The following MAP3K13 variants were observed in gnomAD, a reference collection of about 807,000 sequenced individuals.
The protein encoded by MAP3K13 is leucine zipper-bearing kinase.
In MAP3K13, 52 loss-of-function variants were observed where a neutral mutation model predicts 104.0. The ratio of observed to expected loss-of-function variants is 0.50; its 90% CI spans 0.40 to 0.63. MAP3K13 has a LOEUF of 0.63. Among genes scored for constraint, MAP3K13 ranks in the 20% least tolerant of loss-of-function variants. MAP3K13 has a pLI of 0.00. For synonymous variants in MAP3K13, 394 were observed against 442.2 expected (o/e 0.89, Z 1.37); for missense variants, 914 against 1,218.5 (o/e 0.75, Z 3.72).
intron 1 of MAP3K13, among the ~76,000 whole-genome samples, chr3:185,401,620 G>C (rs1712821922): frequency 6.6e-6 from 1 of 152,188 alleles, no homozygotes; most frequent in African/African-American, 2.4e-5. Context: ...CTATTAAATT[G>C]CTTCCCTCTT....
In MAP3K13 at chr3:185,463,474, C is replaced by A. The variant is rs990195765; in HGVS notation, c.1279-76C>A. 36 of 805,916 alleles carry A rather than the reference C, an allele frequency of 4.5e-5. No homozygotes were observed. In the Middle Eastern group the frequency reaches 7.0e-4, roughly 16 times the overall value. 49.9% of individuals were successfully genotyped at this position (805,916 alleles called of 1,614,324 possible). A position where few individuals can be genotyped will look rare whatever the true frequency, so the allele number is the denominator to read the frequency against. On this transcript the variant is annotated intron_variant, in intron 7 of 13. Coordinates refer to ENST00000265026, the MANE Select transcript of MAP3K13 (RefSeq NM_004721.5). Reference sequence around the variant, plus strand: ...GTAGAAGCATGCAGGGAAAAAAAATCTTGTACGTGACTTTATGGATATATC... The same window carrying A: ...GTAGAAGCATGCAGGGAAAAAAAATATTGTACGTGACTTTATGGATATATC...
intron 2 of MAP3K13, chr3:185,285,646 A>G (rs1720481661): frequency 6.5e-7 from 1 of 1,534,492 alleles, no homozygotes; most frequent in Non-Finnish European, 8.7e-7. Context: ...TGGGAGAGGT[A>G]AGTAGTTGAC....
At position 185,483,718 on chromosome 3, in the gene MAP3K13, T is replaced by TTTTTTTTTGGTTTGTTGGTTTGG. The variant is rs1426210251; in HGVS notation, c.*1270_*1271insGGTTTGTTGGTTTGGTTTTTTTT. On this transcript the variant is annotated 3_prime_UTR_variant, in exon 14 of 14. Coordinates refer to ENST00000265026, the MANE Select transcript of MAP3K13 (RefSeq NM_004721.5). ...CATTCTATCTTAGAAGTTCTTTTTT[T>TTTTTTTTTGGTTTGTTGGTTTGG]TTTTTTTTTTTTTGACAGAGTTTTG... 1 of 170,652 alleles carries TTTTTTTTTGGTTTGTTGGTTTGG rather than the reference T, an allele frequency of 5.9e-6. No individual in the cohort carries two copies. Among genetic ancestry groups the TTTTTTTTTGGTTTGTTGGTTTGG allele is most frequent in the African/African-American group, 2.5e-5 (1 of 39,720 alleles). 10.6% of individuals were successfully genotyped at this position (170,652 alleles called of 1,614,324 possible).
rs1718737217 is a variant in MAP3K13, at chr3:185,486,787, T to G, written c.*4331T>G. 1.3e-5 allele frequency: 2 copies of G among 152,250 alleles called. No individual in the cohort carries two copies. The highest frequency in any genetic ancestry group is 1.3e-4 in the Admixed American group (2 of 15,282). The allele number at this position is 152,250 out of a possible 1,614,324, so 9.4% of individuals were successfully genotyped here. A position where few individuals can be genotyped will look rare whatever the true frequency, so the allele number is the denominator to read the frequency against. ...TTTCATCTATTTCAAGATCATATCC[T>G]CTGGATAACAGTTCCTTTTAAAATT... On this transcript the variant is annotated 3_prime_UTR_variant, in exon 14 of 14. Coordinates refer to ENST00000265026, the MANE Select transcript of MAP3K13 (RefSeq NM_004721.5).
Position 185,428,785 on chromosome 3 carries a change from G to A in MAP3K13, c.204G>A (p.Val68=). The A allele has an allele frequency of 6.2e-7, 1 of 1,614,174 alleles. No homozygotes were observed. The highest frequency in any genetic ancestry group is 8.5e-7 in the Non-Finnish European group (1 of 1,180,028). ...ESVHSPVTTT[V]LTSVSEDSRD... ...TGCACAGCCCCGTCACCACAACAGT[G>A]TTGACGAGCGTAAGTGAGGATTCCA... Residue 68 remains valine (V), a synonymous_variant, in exon 2 of 14, where the codon GTG becomes GTA. Coordinates refer to ENST00000265026, the MANE Select transcript of MAP3K13 (RefSeq NM_004721.5).
chr3:185,352,126 C>T (rs1723160001), intron 2 of MAP3K13, among the ~76,000 whole-genome samples: 2 of 152,074 alleles, frequency 1.3e-5, no homozygotes, highest in African/African-American at 4.8e-5. Flanking sequence ...AGCAGAGTGG[C>T]CACGTACCCA....
intron 5 of MAP3K13, among the ~76,000 whole-genome samples, chr3:185,448,311 A>G (rs1715702090): frequency 6.6e-6 from 1 of 152,198 alleles, no homozygotes; most frequent in African/African-American, 2.4e-5. Context: ...ACCTAATCTC[A>G]ATGACTCAGG....
intron 10 of MAP3K13, 142 bp downstream of exon 10, chr3:185,467,105 A>C (rs1438437138): frequency 8.1e-6 from 7 of 866,770 alleles, no homozygotes; most frequent in African/African-American, 1.7e-5. Context: ...GGTAAAACAG[A>C]GTAAGAAGGT....
At chr3:185,302,380 T>C (rs1237934295) in intron 2 of MAP3K13, among the ~76,000 whole-genome samples, 1 of 152,150 alleles carries the variant, frequency 6.6e-6, no homozygotes, top group Non-Finnish European at 1.5e-5. Flanking sequence ...ACTACTGCAC[T>C]CCAACCTGGG....
intron 2 of MAP3K13, chr3:185,293,102 T>C (rs1720801462): frequency 1.1e-6 from 1 of 910,444 alleles, no homozygotes; most frequent in African/African-American, 1.8e-5. Context: ...GTTCTTTCTT[T>C]CTTTTCCTTT....
chr3:185,432,922 G>A (rs1714828552), intron 2 of MAP3K13, among the ~76,000 whole-genome samples: 1 of 152,164 alleles, frequency 6.6e-6, no homozygotes, highest in South Asian at 2.1e-4. Flanking sequence ...ACCATGAAAG[G>A]GTTTCGCTAG....
chr3:185,429,983 T>C (rs572706569), intron 2 of MAP3K13, among the ~76,000 whole-genome samples: 10 of 152,302 alleles, frequency 6.6e-5, no homozygotes, highest in Non-Finnish European at 1.3e-4. Context: ...GCGGATCACC[T>C]GAGGTCAGGA....
At chr3:185,362,137 A>G (rs1382250339), upstream of MAP3K13, among the ~76,000 whole-genome samples, 1 of 152,208 alleles carries the variant, frequency 6.6e-6, no homozygotes, top group Non-Finnish European at 1.5e-5. Context: ...GAGGCTTTAT[A>G]TTAACCACGA....
chr3:185,296,179 G>A (rs1167205781), intron 2 of MAP3K13, among the ~76,000 whole-genome samples: 1 of 152,212 alleles, frequency 6.6e-6, no homozygotes, highest in African/African-American at 2.4e-5. Context: ...AGGAGGTCCA[G>A]GCTGCGGTGA....
chr3:185,316,650 G>A (rs1423321408), intron 2 of MAP3K13, among the ~76,000 whole-genome samples: 3 of 152,078 alleles, frequency 2.0e-5, no homozygotes, highest in Non-Finnish European at 4.4e-5. Context: ...GGAAAAAACA[G>A]TTTTTTTGTT....
At chr3:185,470,424 A>G (rs1717708039) in intron 10 of MAP3K13, among the ~76,000 whole-genome samples, 2 of 152,242 alleles carry the variant, frequency 1.3e-5, no homozygotes, top group Admixed American at 1.3e-4. Context: ...CAACTGGCCC[A>G]GTGAAGACTT....
chr3:185,413,870 C>T (rs1305507811), intron 1 of MAP3K13, among the ~76,000 whole-genome samples: 1 of 152,124 alleles, frequency 6.6e-6, no homozygotes, highest in East Asian at 1.9e-4. Flanking sequence ...GTAAACCCTA[C>T]AGAAAGTGAG....
intron 1 of MAP3K13, among the ~76,000 whole-genome samples, chr3:185,390,884 G>A (rs1712010951): frequency 6.6e-6 from 1 of 152,026 alleles, no homozygotes; most frequent in Non-Finnish European, 1.5e-5. Context: ...GCCTCACAAA[G>A]TGCTGGGATT....
intron 1 of MAP3K13, among the ~76,000 whole-genome samples, chr3:185,370,644 T>G (rs1167293752): frequency 1.3e-5 from 2 of 151,654 alleles, no homozygotes; most frequent in Non-Finnish European, 2.9e-5. Context: ...GCACTTTCCT[T>G]ATAAGCAGGA....
Sources: gnomAD v4.1 joint callset for allele counts (sites outside exome capture counted in the v4.1 genomes callset) on GRCh38, gnomAD v4.1.1 for gene constraint, MANE v1.5 for transcripts, NCBI Gene and HGNC (gene_info 2026-07-23, HGNC 2026-07-21) for gene names.